The following HHLA2 variants were observed in gnomAD, a reference collection of about 807,000 sequenced individuals.
HHLA2 encodes HHLA2 member of B7 family.
In HHLA2, 48 loss-of-function variants were observed where a neutral mutation model predicts 45.9. The ratio of observed to expected loss-of-function variants is 1.05; its 90% confidence interval spans 0.83 to 1.33. The LOEUF is 1.33. Ranked by LOEUF, HHLA2 falls within the 40% of genes most tolerant of loss-of-function variation. The pLI is 0.00. For missense variants in HHLA2, 462 were observed against 494.3 expected, an observed-to-expected ratio of 0.93 and a Z score of 0.62; for synonymous variants, 161 against 173.9, an observed-to-expected ratio of 0.93 and a Z score of 0.59.
At chr3:108,375,708 A>G (rs773416955) in intron 8 of HHLA2, 42 bp from the exon 8 acceptor site, 7 of 1,598,298 alleles carry the variant, frequency 4.4e-6, no homozygotes, top group Non-Finnish European at 5.1e-6. Flanking sequence ...CAGCTGGGAG[A>G]GTAAATACCT....
chr3:108,328,149 T>G, intron 2 of HHLA2: 1 of 504,710 alleles, frequency 2.0e-6, no homozygotes, highest in Non-Finnish European at 3.4e-6. Flanking sequence ...AAAAAAAAAG[T>G]TGTAGAAGTA....
chr3:108,342,820 T>G lies in HHLA2; in HGVS notation c.-26-8968T>G, dbSNP rs2081597376. Among the ~76,000 whole-genome samples the G allele has an allele frequency of 1.3e-5, 2 of 152,208 alleles. 1 individual carries two copies. The highest frequency in any genetic ancestry group is 4.1e-4 in the South Asian group (2 of 4,830). On this transcript the variant is annotated intron_variant, in intron 3 of 10. Transcript: ENST00000619531. ...CCTTCTACTCTTCCTTATAGGCCAG[T>G]GTCTCTTTGTACCTCAAACCTAATG...
chr3:108,373,975 C>G (rs1297792257), intron 8 of HHLA2, among the ~76,000 whole-genome samples: 5 of 151,468 alleles, frequency 3.3e-5, no homozygotes, highest in East Asian at 1.9e-4. Flanking sequence ...TTGGAAGAAA[C>G]TACTTTAAAG....
intron 3 of HHLA2, among the ~76,000 whole-genome samples, chr3:108,347,782 C>T (rs2081694427): frequency 6.6e-6 from 1 of 151,894 alleles, no homozygotes; most frequent in African/African-American, 2.4e-5. Flanking sequence ...TCATTAACAA[C>T]AACAAAAAGA....
chr3:108,308,785 C>A (rs1008826903), intron 1 of HHLA2, among the ~76,000 whole-genome samples: 8 of 152,074 alleles, frequency 5.3e-5, no homozygotes, highest in African/African-American at 1.9e-4. Context: ...TTTTCGTATG[C>A]CTGTTTGCCA....
At chr3:108,353,874 C>A in intron 5 of HHLA2, 94 bp downstream of exon 4, 3 of 833,066 alleles carry the variant, frequency 3.6e-6, no homozygotes, top group African/African-American at 1.7e-5. Context: ...AGCTTCCTTC[C>A]AAGTCAATAC....
intron 3 of HHLA2, among the ~76,000 whole-genome samples, chr3:108,347,489 A>C (rs6788212): frequency 0.68 from 102,835 of 151,994 alleles, 35,669 homozygotes; most frequent in African/African-American, 0.77. Context: ...GTGGTGGATT[A>C]AAGGCTTGGG....
In HHLA2 at chr3:108,337,298, T is replaced by C. The variant is rs2081490687; in HGVS notation, c.-27+8951T>C. On this transcript the variant is annotated intron_variant, in intron 3 of 10. Coordinates refer to ENST00000619531, the Ensembl canonical transcript of HHLA2. ...CCCAATGAATTTGTCCATGACAGAT[T>C]AGAAACAAAAGTTTACTGCCGCTTT... Among the ~76,000 whole-genome samples, 2 of 152,202 alleles carry C rather than the reference T, an allele frequency of 1.3e-5. 1 individual carries two copies. Among genetic ancestry groups the C allele is most frequent in the South Asian group, 4.1e-4 (2 of 4,834 alleles).
intron 8 of HHLA2, among the ~76,000 whole-genome samples, chr3:108,368,472 T>G (rs905423101): frequency 1.5e-5 from 2 of 131,560 alleles, no homozygotes; most frequent in African/African-American, 2.9e-5. Flanking sequence ...CCATCTCACA[T>G]GCAAAGACAC....
In HHLA2 at chr3:108,351,727, T is replaced by C. The variant is rs377177802; in HGVS notation, c.-26-61T>C. The C allele has an allele frequency of 1.1e-5, 11 of 1,030,112 alleles. No homozygotes were observed. The South Asian group carries it at 1.1e-4, about 11-fold the overall frequency. The allele number at this position is 1,030,112 out of a possible 1,614,324, so 63.8% of individuals were successfully genotyped here. A position where few individuals can be genotyped will look rare whatever the true frequency, so the allele number is the denominator to read the frequency against. On this transcript the variant is annotated intron_variant, in intron 3 of 10. Transcript: ENST00000619531. ...AATTATTTGTATGAATGTACCACTC[T>C]TTTCCAATTCCCTTTTGCATTTTAA...
At chr3:108,321,091 T>TAAAAAAAAAAAAAAAAAAAGAAAAAAA (rs2081191994) in intron 2 of HHLA2, among the ~76,000 whole-genome samples, 1 of 101,428 alleles carries the variant, frequency 9.9e-6, no homozygotes, top group Admixed American at 1.1e-4. Flanking sequence ...TCCAGGTGTT[T>TAAAAAAAAAAAAAAAAAAAGAAAAAAA]AAAAAAAAAA....
chr3:108,299,274 G>A (rs1354281599), intron 1 of HHLA2, among the ~76,000 whole-genome samples: 6 of 150,370 alleles, frequency 4.0e-5, no homozygotes, highest in African/African-American at 1.5e-4. Flanking sequence ...AATAAACTTA[G>A]TTTAAAAAAA....
rs139563678 is a variant in HHLA2 at position 108,351,629 on chromosome 3, G to A, written c.-26-159G>A. Among the ~76,000 whole-genome samples, 7 of 152,184 alleles carry A rather than the reference G, an allele frequency of 4.6e-5. No individual in the cohort carries two copies. The South Asian group carries it at 1.0e-3, about 23-fold the overall frequency. On this transcript the variant is annotated intron_variant, in intron 3 of 10. Transcript: ENST00000619531. ...TTGTATTGTAATCTAATTTTTCTCC[G>A]ATAACCTATTAAGAAATTCCTTCCA...
chr3:108,296,555 T>C lies in HHLA2; in HGVS notation c.-236T>C, dbSNP rs2080764802. 2 of 152,226 alleles carry C rather than the reference T, an allele frequency of 1.3e-5. No individual in the cohort carries two copies. Among genetic ancestry groups the C allele is most frequent in the Admixed American group, 1.3e-4 (2 of 15,290 alleles). 9.4% of individuals were successfully genotyped at this position (152,226 alleles called of 1,614,324 possible). On this transcript the variant is annotated 5_prime_UTR_variant, in exon 1 of 11. The change abolishes an upstream ATG in the 5' untranslated region. Coordinates refer to ENST00000619531, the Ensembl canonical transcript of HHLA2. ...TAGCTGAATTCAATGTTTATTCTTA[T>C]GGACTACTTAGCATTTGACTAGACG...
At chr3:108,316,535 G>C (rs12496570) in intron 2 of HHLA2, among the ~76,000 whole-genome samples, 27,338 of 152,096 alleles carry the variant, frequency 0.18, 2,988 homozygotes, top group East Asian at 0.53. Flanking sequence ...CAGGTTCAGA[G>C]ACCAAGAGAA....
At chr3:108,327,869 C>T (rs2081313944) in intron 2 of HHLA2, among the ~76,000 whole-genome samples, 1 of 152,112 alleles carries the variant, frequency 6.6e-6, no homozygotes, top group Admixed American at 6.6e-5. Flanking sequence ...CATGGTGGCT[C>T]ATGCTGTAAT....
chr3:108,361,414 C>T (rs2081982952), intron 7 of HHLA2, among the ~76,000 whole-genome samples: 1 of 152,146 alleles, frequency 6.6e-6, no homozygotes, highest in African/African-American at 2.4e-5. Context: ...ATCAGATCTA[C>T]TGTCATGATA....
exon 5 of HHLA2, chr3:108,353,729 G>T: frequency 6.2e-7 from 1 of 1,613,468 alleles, no homozygotes; most frequent in Non-Finnish European, 8.5e-7. Context: ...CACCTGCTAT[G>T]TAGGAACAGC....
chr3:108,314,516 G>C (rs2081071385), intron 2 of HHLA2, among the ~76,000 whole-genome samples: 2 of 152,048 alleles, frequency 1.3e-5, no homozygotes, highest in African/African-American at 4.8e-5. Context: ...GGATGGGGAG[G>C]GGTTTTCCTG....
Sources: gnomAD v4.1 joint callset for allele counts (sites outside exome capture counted in the v4.1 genomes callset) on GRCh38, gnomAD v4.1.1 for gene constraint, MANE v1.5 for transcripts, NCBI Gene and HGNC (gene_info 2026-07-23, HGNC 2026-07-21) for gene names.